Variants in THOP1 observed in about 807,000 individuals in gnomAD.
The protein encoded by THOP1 is thimet oligopeptidase 1.
THOP1 carries 49 observed loss-of-function variants against 71.8 expected under a neutral mutation model. The ratio of observed to expected loss-of-function variants is 0.68; its 90% CI spans 0.54 to 0.87. The LOEUF (loss-of-function observed/expected upper bound fraction) is 0.87, where lower values mean the gene tolerates loss of function less well. Among genes scored for constraint, THOP1 ranks in the 40% least tolerant of loss-of-function variants. The probability of loss-of-function intolerance (pLI) is 0.00; values close to 1 mark genes in which losing one functional copy is unlikely to be tolerated. For missense variants in THOP1, 843 were observed against 975.6 expected (o/e 0.86, Z 1.81); for synonymous variants, 426 against 421.5 (o/e 1.01, Z -0.13).
At position 2,807,749 on chromosome 19, in the gene THOP1, C is replaced by T. The variant is rs377533422; in HGVS notation, c.1194C>T (p.Thr398=). The change falls in exon 8 of 13, where the codon ACC becomes ACT. Residue 398 remains threonine, a synonymous_variant. Transcript: ENST00000307741. The part of the protein sequence containing the change: ...SAWHEDVRLY[T]ARDAASGEVV... ...GGCATGAGGACGTGCGGCTCTACAC[C>T]GCGAGGGACGCGGCCTCGGGGGAGG... 6.7e-5 allele frequency: 104 copies of T among 1,561,640 alleles called. No individual in the cohort carries two copies. The highest frequency in any genetic ancestry group is 3.8e-4 in the Admixed American group (21 of 55,212).
intron 3 of THOP1, among the ~76,000 whole-genome samples, chr19:2,795,626 C>T (rs576063528): frequency 6.6e-6 from 1 of 152,298 alleles, no homozygotes; most frequent in South Asian, 2.1e-4. Flanking sequence ...ACGTTGCCCA[C>T]GCTTGTCTCG....
Position 2,811,746 on chromosome 19 carries a change from C to CCGGGGACAGGGAGGGCG in THOP1, c.1908+12_1908+13insCGGGGACAGGGAGGGCG, listed in dbSNP as rs1916471268. The CCGGGGACAGGGAGGGCG allele has an allele frequency of 3.2e-5, 50 of 1,571,678 alleles. No homozygotes were observed. Among genetic ancestry groups the CCGGGGACAGGGAGGGCG allele is most frequent in the East Asian group, 4.5e-5 (2 of 44,560 alleles). ...TCCTGAACAGCAAGGTACGCGGGGA[C>CCGGGGACAGGGAGGGCG]TGGGGACAGGGAGGGCGTCCTGAAC... On this transcript the variant is annotated intron_variant, in intron 12 of 12. Transcript: ENST00000307741.
In THOP1 at chr19:2,790,528, G is replaced by C; in HGVS notation, c.124G>C (p.Glu42Gln). The C allele has an allele frequency of 6.2e-7, 1 of 1,607,684 alleles. No homozygotes were observed. Among genetic ancestry groups the C allele is most frequent in the Non-Finnish European group, 8.5e-7 (1 of 1,177,306 alleles). The change falls in exon 2 of 13, where the codon GAG becomes CAG. Residue 42 changes from glutamate to glutamine, a missense_variant. Transcript: ENST00000307741. Reference protein sequence around the residue: ...QIEERTRELIEQTKRVYDQVG... With the variant: ...QIEERTRELIQQTKRVYDQVG... ...AGAGGAGCGCACCAGGGAGCTCATC[G>C]AGCAGACCAAGCGCGTGTATGACCA... is the stretch of plus-strand genomic sequence containing the variant.
chr19:2,810,277 C>T, intron 9 of THOP1, 27 bp from the exon 10 acceptor site: 1 of 1,605,058 alleles, frequency 6.2e-7, no homozygotes, highest in Middle Eastern at 2.0e-4. Context: ...GACCTGGGCA[C>T]TCTGAGGCTC....
chr19:2,787,861 C>T (rs371664534), intron 1 of THOP1, among the ~76,000 whole-genome samples: 166 of 152,334 alleles, frequency 1.1e-3, no homozygotes, highest in African/African-American at 3.7e-3. Context: ...CCCCAGAAAA[C>T]GATCCGGCCC....
chr19:2,801,958 T>C lies in THOP1; in HGVS notation c.589+2167T>C, dbSNP rs897163022. ...GGCCCCAGTACCTAATCCTGCCATCTCCCAATACCACCATCTCCAACACCG... is the reference window on the plus strand; with the variant it reads ...GGCCCCAGTACCTAATCCTGCCATCCCCCAATACCACCATCTCCAACACCG... On this transcript the variant is annotated intron_variant, in intron 5 of 12. Coordinates refer to ENST00000307741, the MANE Select transcript of THOP1 (RefSeq NM_003249.5). This position sits in a 1 kb window ranked among gnomAD's most constrained non-coding sequence, Gnocchi z 5.1. Among the ~76,000 whole-genome samples the C allele has an allele frequency of 2.0e-5, 3 of 151,726 alleles. No individual in the cohort carries two copies. Among genetic ancestry groups the C allele is most frequent in the East Asian group, 1.9e-4 (1 of 5,166 alleles).
At position 2,799,722 on chromosome 19, in the gene THOP1, C is replaced by T. The variant is rs201643714; in HGVS notation, c.520C>T (p.Leu174=). ...IKRIKKKLSL[L]CIDFNKNLNE... is the part of the protein sequence containing the mutation. Reference sequence around the variant, plus strand: ...ACGCATCAAGAAGAAGCTGAGCCTTCTGTGCATCGACTTCAACAAGAACCT... The same window carrying T: ...ACGCATCAAGAAGAAGCTGAGCCTTTTGTGCATCGACTTCAACAAGAACCT... The change falls in exon 5 of 13, where the codon CTG becomes TTG. Residue 174 remains leucine (L), a synonymous_variant. Transcript: ENST00000307741. The T allele has an allele frequency of 1.4e-5, 23 of 1,613,818 alleles. No homozygotes were observed. Among genetic ancestry groups the T allele is most frequent in the Non-Finnish European group, 1.7e-5 (20 of 1,179,892 alleles).
At chr19:2,794,440 T>G (rs1463523626) in intron 2 of THOP1, among the ~76,000 whole-genome samples, 1 of 152,260 alleles carries the variant, frequency 6.6e-6, no homozygotes, top group African/African-American at 2.4e-5. Flanking sequence ...CTCTCTGGAA[T>G]GGAATTCCGT....
rs372157261 is a variant in THOP1 at position 2,808,483 on chromosome 19, G to A, written c.1455+39G>A. On this transcript the variant is annotated intron_variant, in intron 9 of 12. Coordinates refer to ENST00000307741, the MANE Select transcript of THOP1 (RefSeq NM_003249.5). ...CGGGCAGGGGCAGGGGCAGGGGCAG[G>A]GGCAGGGGCTGCCTGTGGTCAGCGA... 53 of 1,544,260 alleles carry A rather than the reference G, an allele frequency of 3.4e-5. No individual in the cohort carries two copies. The African/African-American group carries it at 6.3e-4, about 18-fold the overall frequency.
chr19:2,815,214 C>T lies in THOP1; in HGVS notation c.*1938C>T, dbSNP rs1376242124. The T allele has an allele frequency of 6.6e-6, 1 of 152,288 alleles. No individual in the cohort carries two copies. The highest frequency in any genetic ancestry group is 1.5e-5 in the Non-Finnish European group (1 of 68,108). The allele number at this position is 152,288 out of a possible 1,614,324, so 9.4% of individuals were successfully genotyped here. On this transcript the variant is annotated 3_prime_UTR_variant, in exon 13 of 13. Coordinates refer to ENST00000307741, the MANE Select transcript of THOP1 (RefSeq NM_003249.5). ...GCCTCCACCTGGTCCCCAGCGAAGTCCCAGTTGTGCAAGAGCACCCCAGCT... is the reference window on the plus strand; with the variant it reads ...GCCTCCACCTGGTCCCCAGCGAAGTTCCAGTTGTGCAAGAGCACCCCAGCT...
rs1916262400 is a variant in THOP1 at position 2,805,225 on chromosome 19, T to G, written c.750+49T>G. ...CCCAGAACAGTGGGTCTGGAGCTTG[T>G]GGGGCCCGTCTGCTCCATGTGTGTG... On this transcript the variant is annotated intron_variant, in intron 6 of 12. Transcript: ENST00000307741. This position sits in a 1 kb window ranked among gnomAD's most constrained non-coding sequence, Gnocchi z 6.6. The G allele has an allele frequency of 1.3e-6, 2 of 1,572,670 alleles. No homozygotes were observed. The highest frequency in any genetic ancestry group is 1.7e-6 in the Non-Finnish European group (2 of 1,160,136).
At chr19:2,794,706 C>T in intron 2 of THOP1, 58 bp from the exon 3 acceptor site, 1 of 1,569,048 alleles carries the variant, frequency 6.4e-7, no homozygotes, top group Non-Finnish European at 8.7e-7. Flanking sequence ...CGGGCAACAC[C>T]TGCCAGTTGT....
chr19:2,797,341 G>A (rs1404814829), intron 4 of THOP1, among the ~76,000 whole-genome samples: 3 of 152,172 alleles, frequency 2.0e-5, no homozygotes, highest in East Asian at 1.9e-4. Context: ...GCCATTTCTC[G>A]AGGGCCAGCA....
Position 2,790,423 on chromosome 19 carries a change from T to C in THOP1, c.19T>C (p.Cys7Arg). Reference protein sequence around the residue: MKPPAACAGDMADAASP... With the variant: MKPPAARAGDMADAASP... ...CACTGGGTTTTGTTTCTGCGTAGCCTGTGCAGGAGACATGGCGGACGCAGC... is the reference window on the plus strand; with the variant it reads ...CACTGGGTTTTGTTTCTGCGTAGCCCGTGCAGGAGACATGGCGGACGCAGC... Residue 7 changes from cysteine (C) to arginine (R), a missense_variant and splice_region_variant, in exon 2 of 13, where the codon TGT becomes CGT. Cys to Arg is a radical substitution (Grantham distance 180, BLOSUM62 -3). Coordinates refer to ENST00000307741, the MANE Select transcript of THOP1 (RefSeq NM_003249.5). 4 of 1,537,020 alleles carry C rather than the reference T, an allele frequency of 2.6e-6. No homozygotes were observed. Among genetic ancestry groups the C allele is most frequent in the Non-Finnish European group, 3.5e-6 (4 of 1,141,206 alleles).
chr19:2,810,686 C>G lies in THOP1; in HGVS notation c.1689C>G (p.Ala563=), dbSNP rs756675595. 1 of 1,570,196 alleles carries G rather than the reference C, an allele frequency of 6.4e-7. No homozygotes were observed. The highest frequency in any genetic ancestry group is 2.3e-5 in the East Asian group (1 of 42,680). The change falls in exon 11 of 13, where the codon GCC becomes GCG. Residue 563 remains alanine (A), a synonymous_variant. Coordinates refer to ENST00000307741, the MANE Select transcript of THOP1 (RefSeq NM_003249.5). The part of the protein sequence containing the change: ...RQIVLAKVDQ[A]LHTQTDADPA... Reference sequence around the variant, plus strand: ...TCGTCCTCGCCAAGGTGGACCAGGCCCTGCACACGCAGACGGACGCAGACC... The same window carrying G: ...TCGTCCTCGCCAAGGTGGACCAGGCGCTGCACACGCAGACGGACGCAGACC...
At chr19:2,810,911 T>C in intron 11 of THOP1, 143 bp downstream of exon 11, 1 of 1,328,730 alleles carries the variant, frequency 7.5e-7, no homozygotes, top group Non-Finnish European at 1.0e-6. Flanking sequence ...CCCAGGCTCC[T>C]CGGGGGACAG....
chr19:2,805,170 C>T lies in THOP1; in HGVS notation c.744C>T (p.Cys248=), dbSNP rs1351603643. The T allele has an allele frequency of 6.2e-7, 1 of 1,611,410 alleles. No individual in the cohort carries two copies. The highest frequency in any genetic ancestry group is 8.5e-7 in the Non-Finnish European group (1 of 1,179,236). The change falls in exon 6 of 13, where the codon TGC becomes TGT. Residue 248 remains cysteine, a synonymous_variant. Coordinates refer to ENST00000307741, the MANE Select transcript of THOP1 (RefSeq NM_003249.5). The surrounding 1 kb of genome is among the most constrained non-coding windows in gnomAD (Gnocchi z 6.6). ...RKVEEAFNCR[C]KEENCAILKE... is the part of the protein sequence containing the mutation. Reference sequence around the variant, plus strand: ...TGGAGGAGGCCTTCAACTGCCGGTGCAAGGAGGTGAGAAGGCACGGCCAGG... The same window carrying T: ...TGGAGGAGGCCTTCAACTGCCGGTGTAAGGAGGTGAGAAGGCACGGCCAGG...
intron 4 of THOP1, 35 bp downstream of exon 4, chr19:2,796,223 C>T: frequency 2.0e-6 from 3 of 1,523,104 alleles, no homozygotes; most frequent in Non-Finnish European, 2.7e-6. Context: ...TGGGCGTGGG[C>T]AATGGTCGAT....
At chr19:2,812,460 C>A in intron 12 of THOP1, 2 of 1,372,020 alleles carry the variant, frequency 1.5e-6, no homozygotes, top group Non-Finnish European at 1.9e-6. Flanking sequence ...GTCCGACAAG[C>A]CCCCTGTCTT....
Sources: allele counts gnomAD v4.1 joint callset (sites outside exome capture counted in the v4.1 genomes callset), GRCh38; gene constraint gnomAD v4.1.1; non-coding constraint Gnocchi (gnomAD v3.1); transcripts MANE v1.5; gene names NCBI Gene and HGNC (gene_info 2026-07-23, HGNC 2026-07-21).